The following CRACR2A variants were observed in gnomAD, a reference collection of about 807,000 sequenced individuals.
CRACR2A encodes the protein EF-hand calcium-binding domain-containing protein 4B.
In CRACR2A, 79 loss-of-function variants were observed where a neutral mutation model predicts 90.5. The ratio of observed to expected loss-of-function variants is 0.87; its 90% CI spans 0.73 to 1.05. CRACR2A has a LOEUF of 1.05. Among genes scored for constraint, CRACR2A ranks in the 50% least tolerant of loss-of-function variants. The pLI is 0.00. For synonymous variants in CRACR2A, 338 were observed against 356.7 expected, an observed-to-expected ratio of 0.95 and a Z score of 0.59; for missense variants, 823 against 897.2, an observed-to-expected ratio of 0.92 and a Z score of 1.06.
intron 2 of CRACR2A, chr12:3,726,315 C>T (rs1021244194): frequency 6.6e-6 from 1 of 151,938 alleles, no homozygotes; most frequent in Non-Finnish European, 1.5e-5. Flanking sequence ...ATACGTGCTG[C>T]CAAAGTGAGC....
chr12:3,703,485 G>A lies in CRACR2A; in HGVS notation c.-36-6450C>T, dbSNP rs564870406. Among the ~76,000 whole-genome samples, 3 of 152,228 alleles carry A rather than the reference G, an allele frequency of 2.0e-5. No homozygotes were observed. In the South Asian group the frequency reaches 6.2e-4, roughly 32 times the overall value. ...ACCTGTAAACATAAAACTTCAAGAAGGAAACATCTTTGTGACCTTAGCTTT... is the reference window on the plus strand; with the variant it reads ...ACCTGTAAACATAAAACTTCAAGAAAGAAACATCTTTGTGACCTTAGCTTT... On this transcript the variant is annotated intron_variant, in intron 3 of 19. Transcript: ENST00000440314.
intron 10 of CRACR2A, among the ~76,000 whole-genome samples, chr12:3,651,768 T>A (rs1591657234): frequency 6.6e-6 from 1 of 152,116 alleles, no homozygotes; most frequent in Admixed American, 6.5e-5. Context: ...AGAACTGGGC[T>A]CTGTCCTTGT....
intron 8 of CRACR2A, 121 bp downstream of exon 8, chr12:3,659,443 A>G (rs879270811): frequency 2.0e-5 from 15 of 742,630 alleles, no homozygotes; most frequent in Non-Finnish European, 3.1e-5. Flanking sequence ...AAAAAAAAAT[A>G]CAGCAGAGAA....
chr12:3,744,875 T>A (rs1946586055), intron 1 of CRACR2A, among the ~76,000 whole-genome samples: 1 of 152,036 alleles, frequency 6.6e-6, no homozygotes, highest in African/African-American at 2.4e-5. Context: ...AGGAAACAAT[T>A]CACAATGTGA....
intron 17 of CRACR2A, among the ~76,000 whole-genome samples, chr12:3,624,843 A>C (rs1339239283): frequency 6.6e-6 from 1 of 152,246 alleles, no homozygotes; most frequent in Non-Finnish European, 1.5e-5. Context: ...GAAGTTCCCC[A>C]GGAGAGTCCT....
intron 3 of CRACR2A, among the ~76,000 whole-genome samples, chr12:3,708,572 C>A (rs1472200415): frequency 6.6e-6 from 1 of 152,150 alleles, no homozygotes; most frequent in Non-Finnish European, 1.5e-5. Flanking sequence ...CTACAGGTGC[C>A]CGCCACCACG....
At chr12:3,653,421 CA>C (rs1486209304) in intron 10 of CRACR2A, among the ~76,000 whole-genome samples, 10 of 152,128 alleles carry the variant, frequency 6.6e-5, no homozygotes, top group Non-Finnish European at 1.3e-4. Context: ...CATGAATATA[CA>C]AATAAACAAA....
chr12:3,735,608 T>A (rs73247879), intron 1 of CRACR2A, among the ~76,000 whole-genome samples: 23,889 of 152,192 alleles, frequency 0.16, 2,077 homozygotes, highest in African/African-American at 0.2. Context: ...TAGCCCCATT[T>A]TATGGATCAG....
chr12:3,697,914 C>T (rs1945770241), intron 3 of CRACR2A, among the ~76,000 whole-genome samples: 3 of 152,124 alleles, frequency 2.0e-5, no homozygotes, highest in African/African-American at 7.2e-5. Context: ...GGGTGTCTTG[C>T]AATGTGATGT....
chr12:3,652,922 GTTAC>G (rs1162445912), intron 10 of CRACR2A, among the ~76,000 whole-genome samples: 1 of 152,160 alleles, frequency 6.6e-6, no homozygotes, highest in Non-Finnish European at 1.5e-5. Flanking sequence ...TCTTGGGAGA[GTTAC>G]TTAAACCTCT....
intron 2 of CRACR2A, among the ~76,000 whole-genome samples, chr12:3,720,460 A>AAAGAAAGC (rs1555119104): frequency 5.4e-5 from 8 of 147,734 alleles, no homozygotes; most frequent in Admixed American, 2.7e-4. Context: ...AGAAAGAAAG[A>AAAGAAAGC]AAGAAAGCAA....
Position 3,659,620 on chromosome 12 carries a change from G to A in CRACR2A, c.706C>T (p.Leu236Phe), listed in dbSNP as rs1944989075. ...ATTTGTTGTTCCATCTCCTCATAGA[G>A]ATGCTGGATTTCTTCATCATAAGCA... ...IAAYDEEIQH[L>F]YEEMEQQIKS... Residue 236 changes from leucine (L) to phenylalanine (F), a missense_variant, in exon 8 of 20, where the codon CTC becomes TTC. Coordinates refer to ENST00000440314, the MANE Select transcript of CRACR2A (RefSeq NM_001144958.2). 3 of 1,614,046 alleles carry A rather than the reference G, an allele frequency of 1.9e-6. No individual in the cohort carries two copies. Among genetic ancestry groups the A allele is most frequent in the Non-Finnish European group, 2.5e-6 (3 of 1,180,020 alleles).
intron 15 of CRACR2A, among the ~76,000 whole-genome samples, chr12:3,630,020 C>T (rs1944351754): frequency 6.6e-6 from 1 of 152,138 alleles, no homozygotes; most frequent in Non-Finnish European, 1.5e-5. Flanking sequence ...TTGTGCGTTC[C>T]TGTCTCAGCT....
At chr12:3,694,586 C>T (rs1945705899) in intron 4 of CRACR2A, among the ~76,000 whole-genome samples, 2 of 152,168 alleles carry the variant, frequency 1.3e-5, no homozygotes, top group Non-Finnish European at 2.9e-5. Flanking sequence ...AACACAGATG[C>T]CTGGAGGACC....
chr12:3,712,848 T>C (rs573529818), intron 3 of CRACR2A, among the ~76,000 whole-genome samples: 1 of 152,126 alleles, frequency 6.6e-6, no homozygotes, highest in South Asian at 2.1e-4. Flanking sequence ...GGCTCCACAG[T>C]GGAACTGGCT....
Position 3,638,295 on chromosome 12 carries a change from G to A in CRACR2A, c.1431C>T (p.Asp477=), listed in dbSNP as rs1944495769. The change falls in exon 14 of 20, where the codon GAC becomes GAT. Residue 477 remains aspartate, a synonymous_variant. Transcript: ENST00000440314. The part of the protein sequence containing the change: ...PLRRIISVEE[D]PLPQLLDGGF... ...CACCATCCAGGAGCTGGGGCAGGGG[G>A]TCTTCTTCAACGGAGATGATTCTGC... 1.3e-6 allele frequency: 2 copies of A among 1,551,644 alleles called. No homozygotes were observed. Among genetic ancestry groups the A allele is most frequent in the Non-Finnish European group, 1.7e-6 (2 of 1,146,968 alleles).
intron 1 of CRACR2A, among the ~76,000 whole-genome samples, chr12:3,736,956 A>G (rs1282490022): frequency 6.6e-6 from 1 of 152,200 alleles, no homozygotes; most frequent in Non-Finnish European, 1.5e-5. Flanking sequence ...AGCAACAGCT[A>G]TCATGTGCCA....
intron 19 of CRACR2A, 132 bp downstream of exon 19, chr12:3,616,822 C>T (rs566093526): frequency 2.9e-6 from 2 of 682,696 alleles, no homozygotes; most frequent in South Asian, 3.6e-5. Flanking sequence ...TGCCTATACT[C>T]AGAGGGCTCT....
Position 3,633,187 on chromosome 12 carries a change from G to A in CRACR2A, c.1735+417C>T, listed in dbSNP as rs368627980. Among the ~76,000 whole-genome samples, 1 of 152,074 alleles carries A rather than the reference G, an allele frequency of 6.6e-6. No individual in the cohort carries two copies. The stretch of plus-strand genomic sequence containing the variant: ...GGCCCTCAGGAAGACAGGGGGAGGT[G>A]TGGCAGGATGTGGGTCTCGGGAGGA... On this transcript the variant is annotated intron_variant, in intron 15 of 19. Coordinates refer to ENST00000440314, the MANE Select transcript of CRACR2A (RefSeq NM_001144958.2). The surrounding 1 kb of genome is among the most constrained non-coding windows in gnomAD (Gnocchi z 4.5).
Sources: allele counts gnomAD v4.1 joint callset (sites outside exome capture counted in the v4.1 genomes callset), GRCh38; gene constraint gnomAD v4.1.1; non-coding constraint Gnocchi (gnomAD v3.1); transcripts MANE v1.5; gene names NCBI Gene and HGNC (gene_info 2026-07-23, HGNC 2026-07-21).